ANKS1B: variants seen among roughly 807,000 people sequenced by gnomAD.
The protein encoded by ANKS1B is ankyrin repeat and sterile alpha motif domain-containing protein 1B.
Under a neutral mutation model 148.3 loss-of-function variants are expected in ANKS1B, and 36 were observed. The observed-to-expected ratio is 0.24, with a 90% CI of 0.19 to 0.32. The LOEUF is 0.32. ANKS1B is among the 10% of genes least tolerant of loss of function. The probability of loss-of-function intolerance (pLI) is 1.00; values close to 1 mark genes in which losing one functional copy is unlikely to be tolerated. For synonymous variants in ANKS1B, 542 were observed against 560.8 expected (o/e 0.97, Z 0.47); for missense variants, 1,157 against 1,542.6 (o/e 0.75, Z 4.19).
intron 14 of ANKS1B, among the ~76,000 whole-genome samples, chr12:99,212,221 G>A (rs2083440738): frequency 6.6e-6 from 1 of 152,122 alleles, no homozygotes; most frequent in Non-Finnish European, 1.5e-5. Context: ...GCCTAAAAAA[G>A]GTAGCCTGGG....
intron 1 of ANKS1B, among the ~76,000 whole-genome samples, chr12:99,888,114 A>G (rs917604060): frequency 5.3e-5 from 8 of 152,210 alleles, no homozygotes; most frequent in Admixed American, 2.0e-4. Flanking sequence ...CAAGATGGAA[A>G]AGCCATTCAT....
At chr12:99,322,981 G>A (rs751875727) in intron 12 of ANKS1B, among the ~76,000 whole-genome samples, 4 of 152,116 alleles carry the variant, frequency 2.6e-5, no homozygotes, top group African/African-American at 9.7e-5. Flanking sequence ...AGGCCCCCTG[G>A]TCATGTGGAA....
rs10526476 is a variant in ANKS1B at position 99,333,854 on chromosome 12, GTT to G, written c.1756+65775_1756+65776del. On this transcript the variant is annotated intron_variant, in intron 12 of 26. Transcript: ENST00000683438. ...ATCAAAGTCACATTTCCAGTTCTCA[GTT>G]TTTTTTTTTTTTTTTTTTTAACAAT... Among the ~76,000 whole-genome samples, 914 of 107,434 alleles carry G rather than the reference GTT, an allele frequency of 8.5e-3. 17 individuals are homozygous for G. The highest frequency in any genetic ancestry group is 0.034 in the African/African-American group (853 of 25,092). The allele number at this position is 107,434 out of a possible 152,430, so 70.5% of individuals were successfully genotyped here.
chr12:99,544,756 T>G (rs1160269178), intron 9 of ANKS1B, among the ~76,000 whole-genome samples: 1 of 152,148 alleles, frequency 6.6e-6, no homozygotes, highest in Admixed American at 6.5e-5. Context: ...TAAATGCATA[T>G]AGGTCTGAGA....
intron 11 of ANKS1B, among the ~76,000 whole-genome samples, chr12:99,424,180 C>T (rs76187700): frequency 0.016 from 2,471 of 151,902 alleles, 71 homozygotes; most frequent in African/African-American, 0.057. Flanking sequence ...TAGGGAAATA[C>T]GATGTGTGAT....
chr12:99,482,405 G>A lies in ANKS1B; in HGVS notation c.1438+22071C>T, dbSNP rs559222785. Among the ~76,000 whole-genome samples, 17 of 152,072 alleles carry A rather than the reference G, an allele frequency of 1.1e-4. No individual in the cohort carries two copies. The South Asian group carries it at 3.3e-3, about 30-fold the overall frequency. On this transcript the variant is annotated intron_variant, in intron 10 of 26. Transcript: ENST00000683438. Reference sequence around the variant, plus strand: ...TGTCTATGTGCCTACTTTTATACCAGTATCATGCTGTTTTGGTAATTATAG... The same window carrying A: ...TGTCTATGTGCCTACTTTTATACCAATATCATGCTGTTTTGGTAATTATAG...
intron 9 of ANKS1B, among the ~76,000 whole-genome samples, chr12:99,528,432 C>CAAAAAAAAAAACAA (rs753070074): frequency 2.1e-5 from 2 of 96,690 alleles, no homozygotes; most frequent in East Asian, 2.5e-4. Context: ...AAAACAAAAA[C>CAAAAAAAAAAACAA]AAAAAAAAAA....
chr12:98,957,726 T>C (rs2099864846), intron 17 of ANKS1B, among the ~76,000 whole-genome samples: 1 of 152,146 alleles, frequency 6.6e-6, no homozygotes, highest in South Asian at 2.1e-4. Context: ...TAAAGCTAAG[T>C]TTGCATAGCT....
chr12:99,909,027 G>A (rs2093899190), intron 1 of ANKS1B, among the ~76,000 whole-genome samples: 2 of 141,434 alleles, frequency 1.4e-5, no homozygotes, highest in South Asian at 2.6e-4. Flanking sequence ...CCCCACCCCA[G>A]GCCCTAGTAA....
At position 99,200,362 on chromosome 12, in the gene ANKS1B, G is replaced by A. The variant is rs547517502; in HGVS notation, c.2419+43980C>T. On this transcript the variant is annotated intron_variant, in intron 14 of 26. Transcript: ENST00000683438. ...GTTTACAGGTTAATTAGCGCATTTT[G>A]CAGCCTTGCCATAAATCTGCTTCCA... Among the ~76,000 whole-genome samples, 5 of 152,310 alleles carry A rather than the reference G, an allele frequency of 3.3e-5. No individual in the cohort carries two copies. The South Asian group carries it at 1.0e-3, about 32-fold the overall frequency.
chr12:99,343,488 C>T (rs1399975656), intron 12 of ANKS1B, among the ~76,000 whole-genome samples: 1 of 151,918 alleles, frequency 6.6e-6, no homozygotes. Context: ...AAGGCTAATC[C>T]CTTTATCTGT....
At chr12:99,476,209 A>G (rs1053791924) in intron 10 of ANKS1B, among the ~76,000 whole-genome samples, 1 of 152,178 alleles carries the variant, frequency 6.6e-6, no homozygotes, top group Non-Finnish European at 1.5e-5. Flanking sequence ...CCTGGCCAAC[A>G]TGGTGAAATC....
chr12:99,901,607 G>A (rs2093603474), intron 1 of ANKS1B, among the ~76,000 whole-genome samples: 1 of 152,128 alleles, frequency 6.6e-6, no homozygotes, highest in Non-Finnish European at 1.5e-5. Flanking sequence ...ACCTCATTTA[G>A]ATAACACCCC....
chr12:99,462,628 C>A (rs769835342), intron 10 of ANKS1B, among the ~76,000 whole-genome samples: 9 of 152,210 alleles, frequency 5.9e-5, no homozygotes, highest in Non-Finnish European at 1.2e-4. Context: ...ACAGAAAAAT[C>A]ATACAACTGC....
At chr12:99,398,102 T>C (rs1176420336) in intron 12 of ANKS1B, among the ~76,000 whole-genome samples, 2 of 152,148 alleles carry the variant, frequency 1.3e-5, no homozygotes, top group African/African-American at 4.8e-5. Flanking sequence ...CTAAGTGCGA[T>C]TAGAAGACAT....
chr12:99,370,326 T>C (rs1203803382), intron 12 of ANKS1B, among the ~76,000 whole-genome samples: 1 of 152,182 alleles, frequency 6.6e-6, no homozygotes, highest in African/African-American at 2.4e-5. Context: ...AGGGATAGCC[T>C]GCCTCAGCTA....
chr12:99,646,319 T>G (rs11109966), intron 9 of ANKS1B, among the ~76,000 whole-genome samples: 86,486 of 151,830 alleles, frequency 0.57, 25,466 homozygotes, highest in Non-Finnish European at 0.65. Flanking sequence ...ATCAAACATT[T>G]CAATATGAAA....
rs2042117281 is a variant in ANKS1B, at chr12:99,060,661, A to T, written c.2626-7352T>A. On this transcript the variant is annotated intron_variant, in intron 16 of 26. Coordinates refer to ENST00000683438, the MANE Select transcript of ANKS1B (RefSeq NM_001352186.2). ...ATATACATATATACACATCACACAC[A>T]CACACACACACACACACACACACAC... Among the ~76,000 whole-genome samples, 7 of 82,372 alleles carry T rather than the reference A, an allele frequency of 8.5e-5. No homozygotes were observed. In the Admixed American group the frequency reaches 1.2e-3, roughly 14 times the overall value. 54.0% of individuals were successfully genotyped at this position (82,372 alleles called of 152,430 possible).
intron 12 of ANKS1B, among the ~76,000 whole-genome samples, chr12:99,370,318 G>C (rs2093057995): frequency 6.6e-6 from 1 of 152,106 alleles, no homozygotes; most frequent in Admixed American, 6.6e-5. Flanking sequence ...ATATTGGCAG[G>C]GATAGCCTGC....
Sources: allele counts gnomAD v4.1 joint callset (sites outside exome capture counted in the v4.1 genomes callset), GRCh38; gene constraint gnomAD v4.1.1; transcripts MANE v1.5; gene names NCBI Gene and HGNC (gene_info 2026-07-23, HGNC 2026-07-21).